Variants in SKI observed in about 807,000 individuals in gnomAD.
SKI encodes ski oncogene.
In SKI, 23 loss-of-function variants were observed where a neutral mutation model predicts 59.3. The ratio of observed to expected loss-of-function variants is 0.39; its 90% CI spans 0.28 to 0.55. SKI has a LOEUF of 0.55. SKI is among the 20% of genes least tolerant of loss of function. The probability of loss-of-function intolerance (pLI) is 0.67; values close to 1 mark genes in which losing one functional copy is unlikely to be tolerated. For missense variants in SKI, 1,017 were observed against 1,038.9 expected (o/e 0.98, Z 0.29); for synonymous variants, 673 against 488.6 (o/e 1.38, Z -4.98).
chr1:2,296,238 A>C lies in SKI; in HGVS notation c.970-6740A>C, dbSNP rs527308547. On this transcript the variant is annotated intron_variant, in intron 1 of 6. Coordinates refer to ENST00000378536, the MANE Select transcript of SKI (RefSeq NM_003036.4). ...TAGGAAAAAAAACAAAAAAAAAAAA[A>C]CAAAAAATTAGCTGGGCATGGTGGC... Among the ~76,000 whole-genome samples, 252 of 151,930 alleles carry C rather than the reference A, an allele frequency of 1.7e-3. 3 individuals carry two copies. Among genetic ancestry groups the C allele is most frequent in the African/African-American group, 5.3e-3 (219 of 41,430 alleles).
chr1:2,259,069 C>T (rs1639330018), intron 1 of SKI, among the ~76,000 whole-genome samples: 1 of 152,238 alleles, frequency 6.6e-6, no homozygotes, highest in African/African-American at 2.4e-5. Flanking sequence ...TCTGGGTTCC[C>T]AGGTCCGAGG....
intron 1 of SKI, among the ~76,000 whole-genome samples, chr1:2,294,078 A>T (rs1640230276): frequency 6.6e-6 from 1 of 152,030 alleles, no homozygotes; most frequent in African/African-American, 2.4e-5. Context: ...GATGTCGTGC[A>T]GGAAGGTTCG....
intron 1 of SKI, among the ~76,000 whole-genome samples, chr1:2,235,617 T>G (rs892580632): frequency 6.6e-6 from 1 of 152,224 alleles, no homozygotes; most frequent in Non-Finnish European, 1.5e-5. Flanking sequence ...GTACTTGATA[T>G]TTTTCCAGGC....
chr1:2,285,708 T>C (rs1640025485), intron 1 of SKI, among the ~76,000 whole-genome samples: 2 of 143,604 alleles, frequency 1.4e-5, no homozygotes, highest in South Asian at 2.3e-4. Context: ...GGATTACAGG[T>C]GCCCGCCACC....
chr1:2,304,727 C>T (rs1640524697), intron 5 of SKI, 142 bp downstream of exon 5: 4 of 1,382,688 alleles, frequency 2.9e-6, no homozygotes, highest in Non-Finnish European at 2.9e-6. Flanking sequence ...GTGGGCCTGC[C>T]TGGGACCTTG....
chr1:2,277,511 G>A (rs1214031649), intron 1 of SKI, among the ~76,000 whole-genome samples: 2 of 152,116 alleles, frequency 1.3e-5, no homozygotes, highest in Non-Finnish European at 2.9e-5. Context: ...CATGTAAAAA[G>A]TGCCTTTCAC....
At chr1:2,305,954 C>A in intron 5 of SKI, 66 bp from the exon 6 acceptor site, 1 of 1,239,722 alleles carries the variant, frequency 8.1e-7, no homozygotes, top group East Asian at 2.5e-5. Context: ...CTGAGGACTG[C>A]TGGTCATGGT....
intron 1 of SKI, among the ~76,000 whole-genome samples, chr1:2,260,535 C>CTTTTTTTTTTTTGT (rs1639363129): frequency 1.5e-5 from 1 of 67,820 alleles, no homozygotes; most frequent in Non-Finnish European, 2.6e-5. Flanking sequence ...TGTTCTTTTT[C>CTTTTTTTTTTTTGT]TTTTTTTTTT....
At position 2,308,197 on chromosome 1, in the gene SKI, C is replaced by G. The variant is rs777267393; in HGVS notation, c.*1432C>G. ...CAGGAGTTCTTTGCTTGAATCCGTT[C>G]TAACACCCGCGGCAGCTGCACGCGC... On this transcript the variant is annotated 3_prime_UTR_variant, in exon 7 of 7. Transcript: ENST00000378536. 1 of 152,208 alleles carries G rather than the reference C, an allele frequency of 6.6e-6. No homozygotes were observed. The highest frequency in any genetic ancestry group is 1.5e-5 in the Non-Finnish European group (1 of 68,038). The allele number at this position is 152,208 out of a possible 1,614,324, so 9.4% of individuals were successfully genotyped here.
chr1:2,277,312 A>C (rs12725264), intron 1 of SKI, among the ~76,000 whole-genome samples: 19,658 of 152,020 alleles, frequency 0.13, 1,695 homozygotes, highest in Admixed American at 0.22. Context: ...GTCCCCACCC[A>C]AATCTCAACT....
chr1:2,230,933 C>A (rs984078924), intron 1 of SKI, among the ~76,000 whole-genome samples: 2 of 152,110 alleles, frequency 1.3e-5, no homozygotes, highest in African/African-American at 4.8e-5. Flanking sequence ...GGGACTGTCG[C>A]CTCTGCTCGG....
chr1:2,240,625 G>A (rs1638849858), intron 1 of SKI: 1 of 985,364 alleles, frequency 1.0e-6, no homozygotes. Context: ...TTAGCCCGAA[G>A]TAACCATACA....
intron 1 of SKI, among the ~76,000 whole-genome samples, chr1:2,285,060 G>A (rs1320870604): frequency 2.6e-5 from 4 of 152,168 alleles, no homozygotes; most frequent in Non-Finnish European, 5.9e-5. Context: ...GGAGGCTGGG[G>A]GCAGTCGTGG....
Position 2,306,146 on chromosome 1 carries a change from G to C in SKI, c.1894G>C (p.Glu632Gln). Residue 632 changes from glutamate (E) to glutamine (Q), a missense_variant, in exon 6 of 7, where the codon GAG becomes CAG. Transcript: ENST00000378536. ...ENEKKMKEAN[E>Q]SRLRLKRELE... is the part of the protein sequence containing the mutation. Reference sequence around the variant, plus strand: ...CGAGAAGAAGATGAAAGAGGCCAACGAGTCACGGCTGCGCCTGAAGCGGGA... The same window carrying C: ...CGAGAAGAAGATGAAAGAGGCCAACCAGTCACGGCTGCGCCTGAAGCGGGA... 1 of 1,595,168 alleles carries C rather than the reference G, an allele frequency of 6.3e-7. No individual in the cohort carries two copies. The highest frequency in any genetic ancestry group is 8.5e-7 in the Non-Finnish European group (1 of 1,172,064).
At chr1:2,290,457 C>A (rs1002727019) in intron 1 of SKI, among the ~76,000 whole-genome samples, 1 of 152,328 alleles carries the variant, frequency 6.6e-6, no homozygotes, top group Admixed American at 6.5e-5. Context: ...GCACGTGTTT[C>A]TGGGCATCTG....
chr1:2,303,893 C>A lies in SKI; in HGVS notation c.1265C>A (p.Ala422Glu). 2.5e-6 allele frequency: 4 copies of A among 1,612,344 alleles called. No individual in the cohort carries two copies. The highest frequency in any genetic ancestry group is 2.5e-6 in the Non-Finnish European group (3 of 1,179,780). ...ETAVAPNVAL[A>E]PPAQQKVVSS... ...GCCGTGGCGCCCAACGTGGCCCTCGCACCGCCGGCCCAGCAGAAGGTTGTG... is the reference window on the plus strand; with the variant it reads ...GCCGTGGCGCCCAACGTGGCCCTCGAACCGCCGGCCCAGCAGAAGGTTGTG... The change falls in exon 4 of 7, where the codon GCA (alanine) becomes GAA (glutamate). Residue 422 changes from alanine (A) to glutamate (E), a missense_variant. Coordinates refer to ENST00000378536, the MANE Select transcript of SKI (RefSeq NM_003036.4). This position sits in a 1 kb window ranked among gnomAD's most constrained non-coding sequence, Gnocchi z 5.6.
intron 1 of SKI, among the ~76,000 whole-genome samples, chr1:2,251,971 T>C (rs541564733): frequency 6.6e-6 from 1 of 152,262 alleles, no homozygotes; most frequent in East Asian, 1.9e-4. Flanking sequence ...GACATTTCAC[T>C]GTTCCTGGCA....
At chr1:2,236,147 G>A (rs1638745951) in intron 1 of SKI, among the ~76,000 whole-genome samples, 1 of 152,184 alleles carries the variant, frequency 6.6e-6, no homozygotes, top group Non-Finnish European at 1.5e-5. Flanking sequence ...CACACCTGGC[G>A]GCCTTGGTCA....
At chr1:2,284,364 C>T (rs1639985393) in intron 1 of SKI, among the ~76,000 whole-genome samples, 1 of 152,230 alleles carries the variant, frequency 6.6e-6, no homozygotes, top group Admixed American at 6.5e-5. Flanking sequence ...TTCAGGTGAC[C>T]TGGCCTGGGT....
Sources: allele counts gnomAD v4.1 joint callset (sites outside exome capture counted in the v4.1 genomes callset), GRCh38; gene constraint gnomAD v4.1.1; non-coding constraint Gnocchi (gnomAD v3.1); transcripts MANE v1.5; gene names NCBI Gene and HGNC (gene_info 2026-07-23, HGNC 2026-07-21).